The following GLIS1 variants were observed in gnomAD, a reference collection of about 807,000 sequenced individuals.
GLIS1 encodes the protein GLIS family zinc finger 1.
In GLIS1, 24 loss-of-function variants were observed where a neutral mutation model predicts 63.8. The ratio of observed to expected loss-of-function variants is 0.38; its 90% CI spans 0.27 to 0.53. The LOEUF (loss-of-function observed/expected upper bound fraction) is 0.53, where lower values mean the gene tolerates loss of function less well. Among genes scored for constraint, GLIS1 ranks in the 20% least tolerant of loss-of-function variants. The pLI, the probability that GLIS1 is intolerant of heterozygous loss-of-function variation, is 0.85. For missense variants in GLIS1, 1,036 were observed against 1,074.1 expected, an observed-to-expected ratio of 0.96 and a Z score of 0.50; for synonymous variants, 450 against 482.5, an observed-to-expected ratio of 0.93 and a Z score of 0.88.
intron 2 of GLIS1, among the ~76,000 whole-genome samples, chr1:53,709,413 C>CATATATATACAT (rs752636057): frequency 8.0e-6 from 1 of 124,794 alleles, no homozygotes; most frequent in Non-Finnish European, 1.6e-5. Flanking sequence ...TATATATATA[C>CATATATATACAT]ACACACACAC....
chr1:53,689,854 C>T (rs1646382716), intron 2 of GLIS1, among the ~76,000 whole-genome samples: 1 of 152,186 alleles, frequency 6.6e-6, no homozygotes, highest in Admixed American at 6.5e-5. Context: ...CCCTCAGGCC[C>T]CTGGCCCTCA....
At chr1:53,599,579 A>G (rs77450070) in intron 3 of GLIS1, among the ~76,000 whole-genome samples, 1,698 of 152,372 alleles carry the variant, frequency 0.011, 19 homozygotes, top group Non-Finnish European at 0.016. Context: ...GACTAAGACA[A>G]AGGCACAACT....
intron 4 of GLIS1, among the ~76,000 whole-genome samples, chr1:53,568,868 A>G (rs879707774): frequency 5.9e-5 from 9 of 152,170 alleles, no homozygotes; most frequent in Non-Finnish European, 1.3e-4. Context: ...TTCATAAATT[A>G]CCCAGTCTCA....
rs1042660258 is a variant in GLIS1 at position 53,539,676 on chromosome 1, C to G, written c.1321-9724G>C. ...CAAAGACGTCCAAGCCCCAGACCTG[C>G]CACATTCACAAACACACTAACCCCC... is the stretch of plus-strand genomic sequence containing the variant. On this transcript the variant is annotated intron_variant, in intron 4 of 10. Transcript: ENST00000628545. This position sits in a 1 kb window ranked among gnomAD's most constrained non-coding sequence, Gnocchi z 5.0. Among the ~76,000 whole-genome samples the G allele has an allele frequency of 2.0e-5, 3 of 152,114 alleles. No homozygotes were observed. The highest frequency in any genetic ancestry group is 4.4e-5 in the Non-Finnish European group (3 of 68,010).
intron 2 of GLIS1, among the ~76,000 whole-genome samples, chr1:53,681,913 G>A (rs1053979616): frequency 6.6e-6 from 1 of 151,938 alleles, no homozygotes; most frequent in African/African-American, 2.4e-5. Flanking sequence ...GCTCTCGGGG[G>A]CCTTCTTTGA....
At chr1:53,531,545 G>A (rs557475664) in intron 4 of GLIS1, among the ~76,000 whole-genome samples, 2 of 152,276 alleles carry the variant, frequency 1.3e-5, no homozygotes, top group Admixed American at 6.5e-5. Flanking sequence ...TTTCTGGTGC[G>A]AGGCTGTTCA....
At chr1:53,632,094 TGTG>T in intron 2 of GLIS1, among the ~76,000 whole-genome samples, 1 of 146,704 alleles carries the variant, frequency 6.8e-6, no homozygotes, top group East Asian at 2.0e-4. Flanking sequence ...CTGAGGGGTG[TGTG>T]AATGAATGTG....
At chr1:53,623,950 AT>A (rs1241725926) in intron 2 of GLIS1, among the ~76,000 whole-genome samples, 2 of 152,256 alleles carry the variant, frequency 1.3e-5, no homozygotes, top group African/African-American at 4.8e-5. Flanking sequence ...AGGATTAAAT[AT>A]TAAGATGTCA....
chr1:53,695,361 C>T lies in GLIS1; in HGVS notation c.259+42445G>A, dbSNP rs185219070. On this transcript the variant is annotated intron_variant, in intron 2 of 10. Coordinates refer to ENST00000628545, the MANE Select transcript of GLIS1 (RefSeq NM_001367484.1). ...TAACTGGTAGTGAAGCATGAAGGAG[C>T]GGCATGAGAGAGAAGCAGAGGTCAA... 3.6e-3 allele frequency among the ~76,000 whole-genome samples: 543 copies of T among 152,300 alleles called. 7 individuals carry two copies. The highest frequency in any genetic ancestry group is 3.6e-3 in the Non-Finnish European group (244 of 68,022).
At chr1:53,546,041 G>A (rs1202882953) in intron 4 of GLIS1, among the ~76,000 whole-genome samples, 2 of 152,262 alleles carry the variant, frequency 1.3e-5, no homozygotes, top group East Asian at 1.9e-4. Context: ...CTTGCCGAAG[G>A]GCAGGGGATA....
At chr1:53,714,710 G>C (rs1305041831) in intron 2 of GLIS1, among the ~76,000 whole-genome samples, 1 of 152,168 alleles carries the variant, frequency 6.6e-6, no homozygotes, top group Non-Finnish European at 1.5e-5. Context: ...GAGATGAGAT[G>C]AATTAAGTGT....
intron 2 of GLIS1, among the ~76,000 whole-genome samples, chr1:53,654,364 G>A (rs1388767627): frequency 1.3e-5 from 2 of 152,204 alleles, no homozygotes; most frequent in African/African-American, 2.4e-5. Context: ...CATAGGCGGT[G>A]AGAGGAGCAG....
intron 2 of GLIS1, among the ~76,000 whole-genome samples, chr1:53,659,321 CAGG>C (rs1196493215): frequency 2.0e-5 from 3 of 152,182 alleles, no homozygotes; most frequent in Non-Finnish European, 4.4e-5. Flanking sequence ...CTCGGCTCTG[CAGG>C]AGGAGAGCTT....
intron 2 of GLIS1, among the ~76,000 whole-genome samples, chr1:53,657,621 G>C (rs915920439): frequency 6.6e-6 from 1 of 152,146 alleles, no homozygotes. Context: ...TATGTGGAGG[G>C]GGAGAGGACC....
intron 2 of GLIS1, among the ~76,000 whole-genome samples, chr1:53,730,799 G>A (rs1169371896): frequency 3.9e-5 from 6 of 152,104 alleles, no homozygotes; most frequent in Non-Finnish European, 8.8e-5. Context: ...AACCAGCCGT[G>A]GGACCTTTAC....
At position 53,632,536 on chromosome 1, in the gene GLIS1, A is replaced by G. The variant is rs1297770642; in HGVS notation, c.260-32258T>C. 4.7e-5 allele frequency among the ~76,000 whole-genome samples: 6 copies of G among 127,444 alleles called. No homozygotes were observed. The South Asian group carries it at 1.7e-3, about 36-fold the overall frequency. 83.6% of individuals were successfully genotyped at this position (127,444 alleles called of 152,430 possible). A position where few individuals can be genotyped will look rare whatever the true frequency, so the allele number is the denominator to read the frequency against. On this transcript the variant is annotated intron_variant, in intron 2 of 10. Coordinates refer to ENST00000628545, the MANE Select transcript of GLIS1 (RefSeq NM_001367484.1). ...TGTAATGTGTGTGACGGGCATGTGA[A>G]TGTGACTGAGGGACATGTGAATGAG...
At chr1:53,519,429 T>TA (rs1242844037) in intron 7 of GLIS1, among the ~76,000 whole-genome samples, 1 of 152,174 alleles carries the variant, frequency 6.6e-6, no homozygotes, top group African/African-American at 2.4e-5. Context: ...GGGGAAAGAA[T>TA]AAAAAATTAG....
At chr1:53,600,894 C>A (rs1017070050) in intron 2 of GLIS1, among the ~76,000 whole-genome samples, 1 of 152,240 alleles carries the variant, frequency 6.6e-6, no homozygotes, top group South Asian at 2.1e-4. Context: ...CTGCCTCATG[C>A]CCTGCCTCGC....
At chr1:53,512,618 G>T (rs1644308075) in intron 8 of GLIS1, among the ~76,000 whole-genome samples, 1 of 152,190 alleles carries the variant, frequency 6.6e-6, no homozygotes, top group Non-Finnish European at 1.5e-5. Context: ...CTGGGCCTGG[G>T]CCTGGTGTCA....
Sources: allele counts gnomAD v4.1 joint callset (sites outside exome capture counted in the v4.1 genomes callset), GRCh38; gene constraint gnomAD v4.1.1; non-coding constraint Gnocchi (gnomAD v3.1); transcripts MANE v1.5; gene names NCBI Gene and HGNC (gene_info 2026-07-23, HGNC 2026-07-21).